Variants in KDM2B observed in about 807,000 individuals in gnomAD.
KDM2B encodes the protein lysine demethylase 2B, also known as lysine-specific demethylase 2B.
Under a neutral mutation model 150.0 loss-of-function variants are expected in KDM2B, and 26 were observed. The ratio of observed to expected loss-of-function variants is 0.17; its 90% CI spans 0.13 to 0.24. The LOEUF (loss-of-function observed/expected upper bound fraction) is 0.24. Ranked by LOEUF, KDM2B falls within the 10% of genes least tolerant of loss-of-function variation. KDM2B has a pLI of 1.00. For missense variants in KDM2B, 1,265 were observed against 1,816.9 expected, an observed-to-expected ratio of 0.70 and a Z score of 5.52; for synonymous variants, 734 against 729.5, an observed-to-expected ratio of 1.01 and a Z score of -0.10.
chr12:121,557,205 T>A (rs960366579), intron 4 of KDM2B, among the ~76,000 whole-genome samples: 11 of 151,500 alleles, frequency 7.3e-5, no homozygotes, highest in Admixed American at 2.0e-4. Flanking sequence ...CATATGGGAT[T>A]AGGGTAGGCC....
In KDM2B at chr12:121,578,944, G is replaced by A; in HGVS notation, c.129C>T (p.Arg43=). 1.9e-6 allele frequency: 3 copies of A among 1,611,546 alleles called. No individual in the cohort carries two copies. Among genetic ancestry groups the A allele is most frequent in the Non-Finnish European group, 2.5e-6 (3 of 1,179,278 alleles). The change falls in exon 2 of 23, where the codon CGC becomes CGT. Residue 43 remains arginine (R), a splice_region_variant and synonymous_variant. Transcript: ENST00000377071. The part of the protein sequence containing the change: ...KCFEFESATQ[R]PIDRQRYDEN... ...CGTCGTATCGCTGGCGGTCAATCGGGCGCTGCGAGGACCCAAACCAGAGAG... is the reference window on the plus strand; with the variant it reads ...CGTCGTATCGCTGGCGGTCAATCGGACGCTGCGAGGACCCAAACCAGAGAG...
intron 10 of KDM2B, among the ~76,000 whole-genome samples, chr12:121,510,925 G>A (rs111624273): frequency 0.057 from 8,620 of 152,076 alleles, 328 homozygotes; most frequent in Middle Eastern, 0.11. Context: ...GAAAGTAGAT[G>A]AGTAGTTGCC....
At chr12:121,576,477 C>T (rs1891498453) in intron 2 of KDM2B, among the ~76,000 whole-genome samples, 2 of 152,302 alleles carry the variant, frequency 1.3e-5, no homozygotes, top group East Asian at 3.9e-4. Flanking sequence ...TGAAATTCTG[C>T]TGTAGCCATC....
At chr12:121,458,441 G>A (rs950624003) in intron 12 of KDM2B, among the ~76,000 whole-genome samples, 2 of 150,164 alleles carry the variant, frequency 1.3e-5, no homozygotes, top group African/African-American at 4.9e-5. Flanking sequence ...CTGCAGAAAT[G>A]GACACACTAT....
At chr12:121,540,115 G>C (rs1555309483) in intron 6 of KDM2B, among the ~76,000 whole-genome samples, 1 of 152,074 alleles carries the variant, frequency 6.6e-6, no homozygotes, top group Non-Finnish European at 1.5e-5. Flanking sequence ...CTATAAAATG[G>C]GGATAGTAAC....
chr12:121,435,155 G>T (rs377514590), intron 22 of KDM2B, among the ~76,000 whole-genome samples: 2 of 152,106 alleles, frequency 1.3e-5, no homozygotes, highest in African/African-American at 4.8e-5. Flanking sequence ...GCAACATAGC[G>T]AGACCCTGTC....
chr12:121,494,539 G>T, intron 12 of KDM2B, 40 bp downstream of exon 12: 3 of 1,529,370 alleles, frequency 2.0e-6, no homozygotes, highest in Non-Finnish European at 2.7e-6. Flanking sequence ...TGGGAAGGAG[G>T]TGGGAAGCGG....
intron 21 of KDM2B, 84 bp downstream of exon 21, chr12:121,440,732 A>C (rs1402483464): frequency 1.1e-5 from 14 of 1,306,872 alleles, no homozygotes; most frequent in Non-Finnish European, 1.5e-5. Flanking sequence ...TTTGGGGAAC[A>C]GCTGGGGTCT....
At position 121,429,993 on chromosome 12, in the gene KDM2B, A is replaced by G. The variant is rs1872749327; in HGVS notation, c.*295T>C. The G allele has an allele frequency of 1.2e-6, 1 of 857,882 alleles. No individual in the cohort carries two copies. Among genetic ancestry groups the G allele is most frequent in the South Asian group, 1.4e-5 (1 of 72,000 alleles). The allele number at this position is 857,882 out of a possible 1,614,324, so 53.1% of individuals were successfully genotyped here. ...GAAACTCCTAAGCTCATGCTTCAGT[A>G]TGAGAATTTCTCCGAAGTCCACCCT... On this transcript the variant is annotated 3_prime_UTR_variant, in exon 23 of 23. Transcript: ENST00000377071.
chr12:121,434,511 A>AAG (rs1207974291), intron 22 of KDM2B, among the ~76,000 whole-genome samples: 1 of 152,046 alleles, frequency 6.6e-6, no homozygotes, highest in African/African-American at 2.4e-5. Flanking sequence ...AAAAAAAAAA[A>AAG]AAAAAAAAAA....
At chr12:121,522,612 C>T (rs565741612) in intron 8 of KDM2B, among the ~76,000 whole-genome samples, 24 of 152,074 alleles carry the variant, frequency 1.6e-4, no homozygotes, top group African/African-American at 3.6e-4. Flanking sequence ...CTTTGGAAGA[C>T]CGAGGCGGGA....
rs1277187495 is a variant in KDM2B at position 121,509,830 on chromosome 12, T to C, written c.1384A>G (p.Lys462Glu). 7 of 1,613,952 alleles carry C rather than the reference T, an allele frequency of 4.3e-6. No individual in the cohort carries two copies. The Admixed American group carries it at 1.2e-4, about 27-fold the overall frequency. The change falls in exon 11 of 23, where the codon AAA becomes GAA. Residue 462 changes from lysine to glutamate, a missense_variant. By Grantham distance (56) the Lys-to-Glu change is moderately conservative (BLOSUM62 1). Around this residue, in one of 11 missense-constraint regions of KDM2B, gnomAD observed 154 missense variants for 162.5 expected, o/e 0.95. Coordinates refer to ENST00000377071, the MANE Select transcript of KDM2B (RefSeq NM_032590.5). The stretch of plus-strand genomic sequence containing the variant: ...TTGAGGAATCGCAGGGCAGGTGCTT[T>C]GGGCTTCTTCCCGAGGGCCTCCTGG... Reference protein sequence around the residue: ...EDQEALGKKPKAPALRFLKRT... With the variant: ...EDQEALGKKPEAPALRFLKRT...
At chr12:121,419,242 A>AATT in the KDM2B span, among the ~76,000 whole-genome samples, 2 of 152,198 alleles carry the variant, frequency 1.3e-5, no homozygotes, top group Admixed American at 1.3e-4. Context: ...CAGTACACTA[A>AATT]CGTGATGTAC....
the KDM2B span, chr12:121,417,936 C>G: frequency 6.2e-7 from 1 of 1,604,820 alleles, no homozygotes; most frequent in Non-Finnish European, 8.5e-7. This position sits in a 1 kb window ranked among gnomAD's most constrained non-coding sequence, Gnocchi z 5.0. Flanking sequence ...CTAATTACAC[C>G]CAGGGCCCGG....
At chr12:121,543,034 T>G (rs1243817915) in intron 6 of KDM2B, among the ~76,000 whole-genome samples, 1 of 152,220 alleles carries the variant, frequency 6.6e-6, no homozygotes, top group African/African-American at 2.4e-5. Context: ...CTACCTGTTT[T>G]TAAGTATCTC....
chr12:121,559,426 A>G (rs111700054), intron 4 of KDM2B, among the ~76,000 whole-genome samples: 3,979 of 152,226 alleles, frequency 0.026, 162 homozygotes, highest in African/African-American at 0.089. Flanking sequence ...CCCCTCCCCC[A>G]GGGAAACAGA....
chr12:121,572,400 T>C (rs1365624370), intron 4 of KDM2B, among the ~76,000 whole-genome samples: 2 of 152,040 alleles, frequency 1.3e-5, no homozygotes, highest in East Asian at 3.9e-4. Flanking sequence ...TCTGCCACTT[T>C]CTCACTCACT....
At chr12:121,426,710 C>G (rs1468893747), downstream of KDM2B, among the ~76,000 whole-genome samples, 2 of 151,002 alleles carry the variant, frequency 1.3e-5, no homozygotes, top group African/African-American at 4.9e-5. Flanking sequence ...ATCGCAACCT[C>G]CGCTTCCCAG....
At chr12:121,580,396 C>CGGG in intron 1 of KDM2B, 3 of 851,130 alleles carry the variant, frequency 3.5e-6, no homozygotes, top group Non-Finnish European at 4.2e-6. Flanking sequence ...AGGTATGGGG[C>CGGG]GGGGAGGGAG....
Sources: gnomAD v4.1 joint callset for allele counts (sites outside exome capture counted in the v4.1 genomes callset) on GRCh38, gnomAD v4.1.1 for gene constraint, gnomAD v4.1.1 regional missense constraint, Gnocchi (gnomAD v3.1) non-coding constraint, MANE v1.5 for transcripts, NCBI Gene and HGNC (gene_info 2026-07-23, HGNC 2026-07-21) for gene names.